Variants in ANKEF1 observed in about 807,000 individuals in gnomAD.
ANKEF1 encodes the protein ankyrin repeat and EF-hand domain containing 1, also known as ankyrin repeat and EF-hand domain-containing protein 1.
Under a neutral mutation model 65.1 loss-of-function variants are expected in ANKEF1, and 43 were observed. The ratio of observed to expected loss-of-function variants is 0.66; its 90% CI spans 0.52 to 0.85. The LOEUF is 0.85. Ranked by LOEUF, ANKEF1 falls within the 40% of genes least tolerant of loss-of-function variation. The pLI is 0.00. For synonymous variants in ANKEF1, 316 were observed against 341.5 expected (o/e 0.93, Z 0.82); for missense variants, 934 against 952.9 (o/e 0.98, Z 0.26).
intron 3 of ANKEF1, among the ~76,000 whole-genome samples, chr20:10,042,134 A>G (rs553513984): frequency 3.3e-5 from 5 of 152,228 alleles, no homozygotes; most frequent in African/African-American, 1.2e-4. Flanking sequence ...TTCTTAATCA[A>G]CTTTTCCTAA....
chr20:10,043,802 G>T (rs1328970121), intron 4 of ANKEF1, among the ~76,000 whole-genome samples: 1 of 151,704 alleles, frequency 6.6e-6, no homozygotes, highest in South Asian at 2.1e-4. Context: ...GGGATTACAG[G>T]TGCATGCCAC....
intron 7 of ANKEF1, 36 bp downstream of exon 7, chr20:10,050,248 C>T (rs1299184557): frequency 1.3e-6 from 2 of 1,494,358 alleles, no homozygotes; most frequent in East Asian, 2.3e-5. Context: ...TAAATTTTCA[C>T]GAGTCTTCAC....
intron 2 of ANKEF1, among the ~76,000 whole-genome samples, chr20:10,037,516 C>T (rs895709352): frequency 2.6e-5 from 4 of 152,214 alleles, no homozygotes; most frequent in African/African-American, 9.6e-5. Flanking sequence ...AGACGCTTTC[C>T]TCTGGCAGGG....
intron 6 of ANKEF1, among the ~76,000 whole-genome samples, 185 bp from the exon 7 acceptor site, chr20:10,049,204 GA>G (rs926338740): frequency 2.0e-5 from 3 of 148,884 alleles, no homozygotes; most frequent in African/African-American, 2.5e-5. Flanking sequence ...GATGCTCACA[GA>G]AAAAAAAAAT....
intron 10 of ANKEF1, 150 bp from the exon 11 acceptor site, chr20:10,055,352 A>T (rs1157081804): frequency 5.8e-6 from 4 of 690,902 alleles, no homozygotes; most frequent in Non-Finnish European, 9.5e-6. Flanking sequence ...AGAAGTTAAA[A>T]CACATCTAAA....
intron 6 of ANKEF1, among the ~76,000 whole-genome samples, chr20:10,046,657 ACT>A (rs1984539445): frequency 2.0e-5 from 3 of 152,206 alleles, no homozygotes; most frequent in South Asian, 4.1e-4. Context: ...AAGCTTTTTA[ACT>A]CTGTTAGAGA....
At chr20:10,046,377 C>G (rs537453740) in intron 6 of ANKEF1, among the ~76,000 whole-genome samples, 1 of 152,084 alleles carries the variant, frequency 6.6e-6, no homozygotes, top group Admixed American at 6.5e-5. Context: ...AAAAAATGTT[C>G]CATTGTGTCA....
chr20:10,055,101 C>T (rs1281326511), intron 10 of ANKEF1, among the ~76,000 whole-genome samples: 1 of 152,138 alleles, frequency 6.6e-6, no homozygotes, highest in Non-Finnish European at 1.5e-5. Flanking sequence ...AGCAGCTCCC[C>T]TCGCCTTCTA....
chr20:10,040,585 A>G (rs964560279), intron 3 of ANKEF1: 2 of 152,226 alleles, frequency 1.3e-5, no homozygotes, highest in Non-Finnish European at 2.9e-5. Context: ...ATAGTTCCTT[A>G]TAGCACCCAT....
chr20:10,043,328 C>G lies in ANKEF1; in HGVS notation c.546+7C>G. The G allele has an allele frequency of 6.2e-7, 1 of 1,611,832 alleles. No individual in the cohort carries two copies. Among genetic ancestry groups the G allele is most frequent in the Non-Finnish European group, 8.5e-7 (1 of 1,178,512 alleles). On this transcript the variant is annotated splice_region_variant and intron_variant, in intron 4 of 10. Coordinates refer to ENST00000378392, the MANE Select transcript of ANKEF1 (RefSeq NM_022096.6). ...TCCTAATGCAATCAACTCAGTATGGCTATTCTTGTGATTACAAATATTTCT... is the reference window on the plus strand; with the variant it reads ...TCCTAATGCAATCAACTCAGTATGGGTATTCTTGTGATTACAAATATTTCT...
At chr20:10,043,066 T>G in intron 3 of ANKEF1, 56 bp from the exon 4 acceptor site, 1 of 1,529,238 alleles carries the variant, frequency 6.5e-7, no homozygotes, top group Non-Finnish European at 8.9e-7. Context: ...TTACTTTCCT[T>G]CCTGTCAAAT....
chr20:10,049,629 A>G lies in ANKEF1; in HGVS notation c.1060A>G (p.Ile354Val). ...GGTTTTAGACAGGGGTGATGGAAGC[A>G]TCAGCAAGAACGACTTCGTGATGGT... ...FAVLDRGDGS[I>V]SKNDFVMVLE... Residue 354 changes from isoleucine to valine, a missense_variant, in exon 7 of 11, where the codon ATC becomes GTC. Transcript: ENST00000378392. 6.2e-7 allele frequency: 1 copy of G among 1,614,168 alleles called. No homozygotes were observed. Among genetic ancestry groups the G allele is most frequent in the Non-Finnish European group, 8.5e-7 (1 of 1,180,020 alleles).
Position 10,044,508 on chromosome 20 carries a change from G to A in ANKEF1, c.661G>A (p.Ala221Thr), listed in dbSNP as rs757587718. Residue 221 changes from alanine to threonine, a missense_variant, in exon 5 of 11, where the codon GCT (alanine) becomes ACT (threonine). By Grantham distance (58) the Ala-to-Thr change is moderately conservative. Transcript: ENST00000378392. ...VNAFDNDRHH[A>T]AHFAAKGGFF... ...TGCATTTGACAACGACAGGCATCACGCTGCTCATTTTGCTGCTAAAGGAGG... is the reference window on the plus strand; with the variant it reads ...TGCATTTGACAACGACAGGCATCACACTGCTCATTTTGCTGCTAAAGGAGG... 61 of 1,613,910 alleles carry A rather than the reference G, an allele frequency of 3.8e-5. No homozygotes were observed. In the East Asian group the frequency reaches 1.1e-3, roughly 29 times the overall value.
intron 3 of ANKEF1, among the ~76,000 whole-genome samples, chr20:10,039,649 G>A (rs560914754): frequency 3.3e-5 from 5 of 152,200 alleles, no homozygotes; most frequent in East Asian, 3.9e-4. Context: ...CTGAAAAAAC[G>A]GTATCCTCTC....
Position 10,050,002 on chromosome 20 carries a change from T to A in ANKEF1, c.1433T>A (p.Ile478Asn). 1 of 1,614,168 alleles carries A rather than the reference T, an allele frequency of 6.2e-7. No individual in the cohort carries two copies. The highest frequency in any genetic ancestry group is 1.7e-5 in the Admixed American group (1 of 60,026). ...FNRDHPPEHPIQDDSVWYIDD... is the reference protein window; with the variant it reads ...FNRDHPPEHPNQDDSVWYIDD... ...AGAGATCATCCCCCAGAACATCCCATTCAGGATGACTCTGTTTGGTACATT... is the reference window on the plus strand; with the variant it reads ...AGAGATCATCCCCCAGAACATCCCAATCAGGATGACTCTGTTTGGTACATT... The change falls in exon 7 of 11, where the codon ATT becomes AAT. Residue 478 changes from isoleucine (I) to asparagine (N), a missense_variant. Transcript: ENST00000378392.
At chr20:10,054,398 C>T in intron 9 of ANKEF1, 64 bp from the exon 10 acceptor site, 1 of 1,323,110 alleles carries the variant, frequency 7.6e-7, no homozygotes. Flanking sequence ...TGTGAAACAG[C>T]AAATAATATT....
chr20:10,044,571 T>G, intron 5 of ANKEF1, 28 bp downstream of exon 5: 1 of 1,609,530 alleles, frequency 6.2e-7, no homozygotes, highest in Non-Finnish European at 8.5e-7. Flanking sequence ...GCTTTAAAAT[T>G]TGTTGCTAAA....
intron 2 of ANKEF1, among the ~76,000 whole-genome samples, chr20:10,037,593 C>T (rs924991470): frequency 1.3e-5 from 2 of 152,174 alleles, no homozygotes; most frequent in Non-Finnish European, 2.9e-5. Context: ...GAGTTCTTTT[C>T]TCATAAGAAA....
chr20:10,045,804 T>G (rs572085784), intron 6 of ANKEF1, 107 bp downstream of exon 6: 1 of 1,103,688 alleles, frequency 9.1e-7, no homozygotes, highest in East Asian at 2.4e-5. Flanking sequence ...TTTTTTTCTA[T>G]AGCAAAACCT....
Sources: allele counts gnomAD v4.1 joint callset (sites outside exome capture counted in the v4.1 genomes callset), GRCh38; gene constraint gnomAD v4.1.1; transcripts MANE v1.5; gene names NCBI Gene and HGNC (gene_info 2026-07-23, HGNC 2026-07-21).